DTNA: variants seen among roughly 807,000 people sequenced by gnomAD.
DTNA encodes the protein dystrophin-related protein 3.
A neutral mutation model predicts 100.7 loss-of-function variants in DTNA; 43 were observed. That is an observed-to-expected ratio of 0.43 (90% CI 0.33 to 0.55). The LOEUF (loss-of-function observed/expected upper bound fraction) is 0.55, where lower values mean the gene tolerates loss of function less well. Ranked by LOEUF, DTNA falls within the 20% of genes least tolerant of loss-of-function variation. The pLI is 0.04. For missense variants in DTNA, 798 were observed against 953.9 expected (o/e 0.84, Z 2.15); for synonymous variants, 349 against 347.9 (o/e 1.00, Z -0.04).
chr18:34,529,270 CTT>C (rs1007174629), intron 1 of DTNA, among the ~76,000 whole-genome samples: 15 of 151,918 alleles, frequency 9.9e-5, no homozygotes, highest in Admixed American at 9.2e-4. Context: ...CATGGTATAA[CTT>C]ATTTATTATT....
At chr18:34,837,175 A>G (rs1712849281) in intron 11 of DTNA, among the ~76,000 whole-genome samples, 1 of 152,168 alleles carries the variant, frequency 6.6e-6, no homozygotes, top group South Asian at 2.1e-4. Context: ...GGAGAGGGAC[A>G]ATTTTAGATT....
intron 1 of DTNA, among the ~76,000 whole-genome samples, chr18:34,496,121 A>G (rs1456086882): frequency 6.6e-6 from 1 of 152,072 alleles, no homozygotes; most frequent in Admixed American, 6.6e-5. Flanking sequence ...AGAGAGTGGA[A>G]TCCAACTAAA....
intron 1 of DTNA, among the ~76,000 whole-genome samples, chr18:34,573,463 C>G (rs564830239): frequency 6.6e-6 from 1 of 152,262 alleles, no homozygotes; most frequent in Admixed American, 6.5e-5. Flanking sequence ...GCACCTGTTA[C>G]CTCATTTTGT....
chr18:34,545,308 A>G (rs1222408320), intron 1 of DTNA, among the ~76,000 whole-genome samples: 1 of 152,098 alleles, frequency 6.6e-6, no homozygotes, highest in Admixed American at 6.6e-5. Flanking sequence ...AGTAAAAGGG[A>G]GGAACCTCTG....
chr18:34,853,610 C>T (rs2096512395), intron 15 of DTNA, among the ~76,000 whole-genome samples: 1 of 151,978 alleles, frequency 6.6e-6, no homozygotes, highest in Admixed American at 6.6e-5. Context: ...AACTACTGCT[C>T]TACTCTGACC....
intron 1 of DTNA, among the ~76,000 whole-genome samples, chr18:34,540,155 A>G (rs1374659467): frequency 6.6e-6 from 1 of 151,944 alleles, no homozygotes; most frequent in Non-Finnish European, 1.5e-5. Flanking sequence ...AGGATGTCCA[A>G]AAAATGTGGA....
intron 1 of DTNA, among the ~76,000 whole-genome samples, chr18:34,541,018 T>C (rs185223013): frequency 6.6e-6 from 1 of 152,184 alleles, no homozygotes; most frequent in Admixed American, 6.6e-5. Context: ...TCAATGAAAT[T>C]AACATTTTTA....
chr18:34,540,944 T>G (rs1283814282), intron 1 of DTNA, among the ~76,000 whole-genome samples: 5 of 152,098 alleles, frequency 3.3e-5, no homozygotes, highest in Admixed American at 3.3e-4. Context: ...CATATTCTGA[T>G]TCTCTTCTGC....
intron 2 of DTNA, among the ~76,000 whole-genome samples, chr18:34,761,037 CA>C (rs1555774919): frequency 6.6e-6 from 1 of 151,920 alleles, no homozygotes; most frequent in Non-Finnish European, 1.5e-5. Flanking sequence ...CCTAAGGTAG[CA>C]ATCATTTTTT....
intron 19 of DTNA, among the ~76,000 whole-genome samples, chr18:34,879,233 CA>C (rs1306924258): frequency 1.3e-5 from 2 of 151,892 alleles, no homozygotes; most frequent in Non-Finnish European, 2.9e-5. Flanking sequence ...TAATATTAAG[CA>C]AAAGTAACAA....
At chr18:34,766,361 C>A (rs1007163380) in intron 3 of DTNA, among the ~76,000 whole-genome samples, 1 of 152,140 alleles carries the variant, frequency 6.6e-6, no homozygotes, top group Non-Finnish European at 1.5e-5. Flanking sequence ...TTTTCTCTAA[C>A]CTTGGTATCA....
At chr18:34,604,114 A>T (rs931755761) in intron 1 of DTNA, among the ~76,000 whole-genome samples, 30 of 152,190 alleles carry the variant, frequency 2.0e-4, no homozygotes, top group African/African-American at 6.8e-4. Context: ...CAGCAACTCC[A>T]TTCAAAGAAA....
chr18:34,827,522 G>A (rs2095886719), intron 9 of DTNA, 71 bp from the exon 10 acceptor site: 1 of 1,420,094 alleles, frequency 7.0e-7, no homozygotes, highest in South Asian at 1.1e-5. Flanking sequence ...TTCCTGGAGG[G>A]ATGAGGGAGA....
intron 1 of DTNA, among the ~76,000 whole-genome samples, chr18:34,508,635 A>G (rs1000896713): frequency 3.3e-5 from 5 of 152,208 alleles, no homozygotes; most frequent in Non-Finnish European, 5.9e-5. Context: ...TGTGGCTTCC[A>G]GCCCTGAATA....
At chr18:34,750,145 T>A (rs946285766) in intron 1 of DTNA, among the ~76,000 whole-genome samples, 2 of 152,232 alleles carry the variant, frequency 1.3e-5, no homozygotes, top group Non-Finnish European at 2.9e-5. Flanking sequence ...CAAAGTCTGC[T>A]TAAGTGTTTG....
chr18:34,858,127 T>G (rs1479248187), intron 15 of DTNA, among the ~76,000 whole-genome samples, 158 bp from the exon 16 acceptor site: 1 of 152,196 alleles, frequency 6.6e-6, no homozygotes, highest in Non-Finnish European at 1.5e-5. Context: ...TCAAAGCCTC[T>G]TAAATACACT....
intron 5 of DTNA, among the ~76,000 whole-genome samples, 194 bp downstream of exon 5, chr18:34,806,498 G>A (rs371982073): frequency 9.7e-4 from 147 of 152,292 alleles, no homozygotes; most frequent in African/African-American, 3.2e-3. Flanking sequence ...CTAATGAAAT[G>A]AATGTTTTCC....
chr18:34,806,355 C>A, intron 5 of DTNA, 51 bp downstream of exon 5: 1 of 1,496,428 alleles, frequency 6.7e-7, no homozygotes, highest in Non-Finnish European at 9.3e-7. Context: ...CTAGGTACCA[C>A]CCTTTTCTCT....
At chr18:34,539,496 C>G (rs562186446) in intron 1 of DTNA, among the ~76,000 whole-genome samples, 2 of 152,034 alleles carry the variant, frequency 1.3e-5, no homozygotes, top group East Asian at 1.9e-4. Flanking sequence ...AAGTTTCTTT[C>G]AAGTAATCTA....
Sources: allele counts gnomAD v4.1 joint callset (sites outside exome capture counted in the v4.1 genomes callset), GRCh38; gene constraint gnomAD v4.1.1; transcripts MANE v1.5; gene names NCBI Gene and HGNC (gene_info 2026-07-23, HGNC 2026-07-21).